The following FAM135A variants were observed in gnomAD, a reference collection of about 807,000 sequenced individuals.
FAM135A encodes family with sequence similarity 135 member A, also known as protein FAM135A.
In FAM135A, 79 loss-of-function variants were observed where a neutral mutation model predicts 146.8. The observed-to-expected ratio is 0.54, with a 90% CI of 0.45 to 0.65. The LOEUF is 0.65. FAM135A is among the 30% of genes least tolerant of loss of function. The probability of loss-of-function intolerance (pLI) is 0.00; values close to 1 mark genes in which losing one functional copy is unlikely to be tolerated. For missense variants in FAM135A, 1,623 were observed against 1,758.2 expected (o/e 0.92, Z 1.38); for synonymous variants, 562 against 603.6 (o/e 0.93, Z 1.01).
intron 12 of FAM135A, among the ~76,000 whole-genome samples, chr6:70,521,831 A>G (rs543383130): frequency 2.6e-5 from 4 of 152,328 alleles, no homozygotes; most frequent in Non-Finnish European, 4.4e-5. Flanking sequence ...TTCAACATGT[A>G]TTTATCAAGT....
At position 70,464,658 on chromosome 6, in the gene FAM135A, CTTTTT is replaced by C. The variant is rs754818109; in HGVS notation, c.158-10748_158-10744del. Among the ~76,000 whole-genome samples, 455 of 100,414 alleles carry C rather than the reference CTTTTT, an allele frequency of 4.5e-3. 4 individuals carry two copies. Among genetic ancestry groups the C allele is most frequent in the African/African-American group, 0.015 (391 of 26,682 alleles). The allele number at this position is 100,414 out of a possible 152,430, so 65.9% of individuals were successfully genotyped here. A position where few individuals can be genotyped will look rare whatever the true frequency, so the allele number is the denominator to read the frequency against. On this transcript the variant is annotated intron_variant, in intron 5 of 21. Coordinates refer to ENST00000418814, the MANE Select transcript of FAM135A (RefSeq NM_001162529.3). ...TTTAAATTTCTTTCTTTCTTTCTTT[CTTTTT>C]TTTCTTTTTTTTTTTTTTTTGAGAC...
intron 10 of FAM135A, 56 bp downstream of exon 10, chr6:70,482,210 A>T: frequency 6.5e-7 from 1 of 1,541,706 alleles, no homozygotes; most frequent in East Asian, 2.3e-5. Context: ...CTTCAGTCTT[A>T]TATTGCTAGC....
At chr6:70,483,541 T>A (rs1784111395) in intron 10 of FAM135A, among the ~76,000 whole-genome samples, 1 of 152,222 alleles carries the variant, frequency 6.6e-6, no homozygotes, top group African/African-American at 2.4e-5. Context: ...TGTAAATTTT[T>A]AAAAATCTTC....
At chr6:70,451,906 C>T (rs1777177678) in intron 4 of FAM135A, among the ~76,000 whole-genome samples, 1 of 151,740 alleles carries the variant, frequency 6.6e-6, no homozygotes, top group South Asian at 2.1e-4. Flanking sequence ...GTTTTTACCT[C>T]ATAATCATCT....
intron 5 of FAM135A, among the ~76,000 whole-genome samples, chr6:70,458,541 T>C (rs1209967754): frequency 6.6e-6 from 1 of 152,204 alleles, no homozygotes; most frequent in African/African-American, 2.4e-5. Flanking sequence ...CTTGTATGTA[T>C]AGGTAACAAC....
At chr6:70,487,687 A>G (rs575058797) in intron 10 of FAM135A, among the ~76,000 whole-genome samples, 1 of 152,268 alleles carries the variant, frequency 6.6e-6, no homozygotes, top group African/African-American at 2.4e-5. Flanking sequence ...GTTACTGTAA[A>G]ATTAAAGAAT....
chr6:70,417,503 A>C (rs889669618), intron 2 of FAM135A: 4 of 659,892 alleles, frequency 6.1e-6, no homozygotes, highest in South Asian at 6.8e-5. Flanking sequence ...ATGAACTACT[A>C]TGCCTGGCTG....
intron 2 of FAM135A, among the ~76,000 whole-genome samples, chr6:70,420,623 C>A (rs1419125698): frequency 6.6e-6 from 1 of 152,076 alleles, no homozygotes; most frequent in Non-Finnish European, 1.5e-5. Flanking sequence ...AAAGGGATGG[C>A]TTGGTATTCC....
chr6:70,422,151 T>A (rs926320087), intron 2 of FAM135A, among the ~76,000 whole-genome samples: 1 of 152,214 alleles, frequency 6.6e-6, no homozygotes, highest in Non-Finnish European at 1.5e-5. Context: ...CATCTAAAAT[T>A]AAGGAGATTT....
In FAM135A at chr6:70,525,088, T is replaced by G. The variant is rs763538922; in HGVS notation, c.2004T>G (p.Ser668Arg). The G allele has an allele frequency of 6.4e-7, 1 of 1,572,522 alleles. No individual in the cohort carries two copies. Among genetic ancestry groups the G allele is most frequent in the East Asian group, 2.2e-5 (1 of 44,754 alleles). The change falls in exon 15 of 22, where the codon AGT becomes AGG. Residue 668 changes from serine to arginine, a missense_variant. Physicochemically the swap from Ser to Arg is moderately radical, Grantham distance 110. Coordinates refer to ENST00000418814, the MANE Select transcript of FAM135A (RefSeq NM_001162529.3). ...EIKPSNKDPFSGENITVKLGP... is the reference protein window; with the variant it reads ...EIKPSNKDPFRGENITVKLGP... ...AGCCCAGTAATAAAGATCCTTTCAG[T>G]GGAGAGAATATAACTGTCAAACTAG...
chr6:70,554,876 G>T (rs558300026), intron 20 of FAM135A, among the ~76,000 whole-genome samples: 2 of 151,946 alleles, frequency 1.3e-5, no homozygotes, highest in Non-Finnish European at 2.9e-5. Flanking sequence ...ATCCACCCTC[G>T]GCCTCCCAAA....
At chr6:70,443,798 T>C (rs906014325) in intron 4 of FAM135A, among the ~76,000 whole-genome samples, 15 of 152,212 alleles carry the variant, frequency 9.9e-5, no homozygotes, top group African/African-American at 3.4e-4. Context: ...CTCAATTTTC[T>C]TCTTAATTAA....
intron 5 of FAM135A, among the ~76,000 whole-genome samples, chr6:70,469,907 C>T (rs1222744255): frequency 6.6e-6 from 1 of 151,898 alleles, no homozygotes; most frequent in Non-Finnish European, 1.5e-5. Flanking sequence ...GAGAGGATCG[C>T]TTGAGCCCTG....
intron 10 of FAM135A, among the ~76,000 whole-genome samples, chr6:70,487,653 C>T (rs535292421): frequency 1.3e-5 from 2 of 152,058 alleles, no homozygotes; most frequent in African/African-American, 2.4e-5. Context: ...CTTTCTGGAA[C>T]ATAGTATTAT....
At chr6:70,555,533 A>G (rs1800670897) in intron 20 of FAM135A, among the ~76,000 whole-genome samples, 1 of 152,132 alleles carries the variant, frequency 6.6e-6, no homozygotes, top group Non-Finnish European at 1.5e-5. Context: ...GATTACAGGC[A>G]TGAGCCACCT....
chr6:70,482,042 G>A lies in FAM135A; in HGVS notation c.711G>A (p.Ala237=), dbSNP rs202076605. The A allele has an allele frequency of 1.9e-5, 30 of 1,613,554 alleles. No individual in the cohort carries two copies. Among genetic ancestry groups the A allele is most frequent in the East Asian group, 1.6e-4 (7 of 44,798 alleles). ...FIIADSFLHH[A]YRFHYTLCAT... ...TTGCAGACTCCTTCCTACATCATGCGTATCGTTTTCATTATACACTTTGTG... is the reference window on the plus strand; with the variant it reads ...TTGCAGACTCCTTCCTACATCATGCATATCGTTTTCATTATACACTTTGTG... The change falls in exon 10 of 22, where the codon GCG becomes GCA. Residue 237 remains alanine (A), a synonymous_variant. Transcript: ENST00000418814.
Position 70,524,424 on chromosome 6 carries a change from G to A in FAM135A, c.1340G>A (p.Ser447Asn), listed in dbSNP as rs1422251461. ...SKMDKYETEESSVAGLSSPEL... is the reference protein window; with the variant it reads ...SKMDKYETEENSVAGLSSPEL... ...ATGGATAAATATGAGACTGAAGAAAGCTCTGTAGCAGGACTTTCTAGCCCA... is the reference window on the plus strand; with the variant it reads ...ATGGATAAATATGAGACTGAAGAAAACTCTGTAGCAGGACTTTCTAGCCCA... The change falls in exon 15 of 22, where the codon AGC becomes AAC. Residue 447 changes from serine to asparagine, a missense_variant. By Grantham distance (46) the Ser-to-Asn change is conservative. Around this residue, in one of 7 missense-constraint regions of FAM135A, gnomAD observed 1,061 missense variants for 1,113.8 expected, o/e 0.95. Coordinates refer to ENST00000418814, the MANE Select transcript of FAM135A (RefSeq NM_001162529.3). 5 of 1,541,054 alleles carry A rather than the reference G, an allele frequency of 3.2e-6. No homozygotes were observed. The highest frequency in any genetic ancestry group is 4.9e-5 in the East Asian group (2 of 40,864).
At chr6:70,452,297 T>A (rs1777275444) in intron 4 of FAM135A, among the ~76,000 whole-genome samples, 195 bp from the exon 5 acceptor site, 1 of 152,066 alleles carries the variant, frequency 6.6e-6, no homozygotes, top group Non-Finnish European at 1.5e-5. Flanking sequence ...ATACTGGGTT[T>A]CTCTTTTGGT....
intron 4 of FAM135A, among the ~76,000 whole-genome samples, chr6:70,437,243 C>T (rs1773387231): frequency 6.6e-6 from 1 of 152,028 alleles, no homozygotes. Context: ...CTGTAAATAA[C>T]AATATGTATA....
Sources: gnomAD v4.1 joint callset for allele counts (sites outside exome capture counted in the v4.1 genomes callset) on GRCh38, gnomAD v4.1.1 for gene constraint, gnomAD v4.1.1 regional missense constraint, MANE v1.5 for transcripts, NCBI Gene and HGNC (gene_info 2026-07-23, HGNC 2026-07-21) for gene names.